The following RPS6KA2 variants were observed in gnomAD, a reference collection of about 807,000 sequenced individuals.
RPS6KA2 encodes ribosomal protein S6 kinase A2, also known as ribosomal protein S6 kinase alpha-2.
RPS6KA2 carries 42 observed loss-of-function variants against 91.8 expected under a neutral mutation model. The observed-to-expected ratio is 0.46, with a 90% CI of 0.36 to 0.59. RPS6KA2 has a LOEUF of 0.59. Ranked by LOEUF, RPS6KA2 falls within the 20% of genes least tolerant of loss-of-function variation. The pLI, the probability that RPS6KA2 is intolerant of heterozygous loss-of-function variation, is 0.00. For synonymous variants in RPS6KA2, 414 were observed against 393.6 expected (o/e 1.05, Z -0.61); for missense variants, 798 against 978.5 (o/e 0.82, Z 2.46).
Position 166,432,519 on chromosome 6 carries a change from G to A in RPS6KA2, c.1333-29C>T, listed in dbSNP as rs762449290. ...GAACAAACACAGCACATGGCAGTGA[G>A]GGGTCTACTTTAGGCTTTCGGGTGG... is the stretch of plus-strand genomic sequence containing the variant. On this transcript the variant is annotated intron_variant, in intron 14 of 20. Coordinates refer to ENST00000265678, the MANE Select transcript of RPS6KA2 (RefSeq NM_021135.6). 4.1e-6 allele frequency: 6 copies of A among 1,463,982 alleles called. No individual in the cohort carries two copies. The South Asian group carries it at 5.7e-5, about 14-fold the overall frequency. 90.7% of individuals were successfully genotyped at this position (1,463,982 alleles called of 1,614,324 possible). A position where few individuals can be genotyped will look rare whatever the true frequency, so the allele number is the denominator to read the frequency against.
rs577607669 is a variant in RPS6KA2 at position 166,497,167 on chromosome 6, C to T, written c.747+1341G>A. Among the ~76,000 whole-genome samples, 8 of 152,312 alleles carry T rather than the reference C, an allele frequency of 5.3e-5. No individual in the cohort carries two copies. In the South Asian group the frequency reaches 1.2e-3, roughly 24 times the overall value. On this transcript the variant is annotated intron_variant, in intron 8 of 20. Coordinates refer to ENST00000265678, the MANE Select transcript of RPS6KA2 (RefSeq NM_021135.6). The stretch of plus-strand genomic sequence containing the variant: ...GTGGGGGACTTAGCTCTGTGGTCTC[C>T]GCATGGAGAGGACCTGCTCCTTAGC...
At chr6:166,773,953 T>A (rs1034469223) in intron 2 of RPS6KA2, among the ~76,000 whole-genome samples, 3 of 152,210 alleles carry the variant, frequency 2.0e-5, no homozygotes, top group Non-Finnish European at 4.4e-5. Context: ...CAGACAAATA[T>A]TTTTGTGTGT....
At chr6:166,655,786 G>A (rs761381492) in intron 2 of RPS6KA2, among the ~76,000 whole-genome samples, 12 of 152,184 alleles carry the variant, frequency 7.9e-5, no homozygotes, top group Admixed American at 3.3e-4. Flanking sequence ...GTGAACGGGC[G>A]CCACCAGTTT....
At position 166,548,709 on chromosome 6, in the gene RPS6KA2, A is replaced by T. The variant is rs1191335686; in HGVS notation, c.100-9925T>A. Among the ~76,000 whole-genome samples, 5 of 152,252 alleles carry T rather than the reference A, an allele frequency of 3.3e-5. No homozygotes were observed. In the East Asian group the frequency reaches 9.6e-4, roughly 29 times the overall value. The stretch of plus-strand genomic sequence containing the variant: ...CTGAAAATGGATCACAGACATAAAT[A>T]TAAAACATAAACTACAAAACTTCTA... On this transcript the variant is annotated intron_variant, in intron 1 of 20. Coordinates refer to ENST00000265678, the MANE Select transcript of RPS6KA2 (RefSeq NM_021135.6).
intron 2 of RPS6KA2, among the ~76,000 whole-genome samples, chr6:166,831,041 C>T (rs920684907): frequency 1.3e-5 from 2 of 152,142 alleles, no homozygotes; most frequent in Non-Finnish European, 2.9e-5. Flanking sequence ...ACGCATGTGG[C>T]CAACCACACC....
chr6:166,674,533 A>G (rs1788567101), intron 2 of RPS6KA2, among the ~76,000 whole-genome samples: 1 of 152,222 alleles, frequency 6.6e-6, no homozygotes, highest in Admixed American at 6.5e-5. Context: ...CCGGGTGAGG[A>G]AAGGGCTTGG....
At position 166,755,985 on chromosome 6, in the gene RPS6KA2, T is replaced by C. The variant is rs959263753; in HGVS notation, c.123+102215A>G. ...ACTTTCATTCACATTATATAATTATTTAAAATAATATTATTTCAGGAGTAA... is the reference window on the plus strand; with the variant it reads ...ACTTTCATTCACATTATATAATTATCTAAAATAATATTATTTCAGGAGTAA... On this transcript the variant is annotated intron_variant, in intron 2 of 21. Coordinates refer to the RPS6KA2 transcript ENST00000503859. 2.0e-5 allele frequency among the ~76,000 whole-genome samples: 3 copies of C among 152,234 alleles called. No homozygotes were observed. The South Asian group carries it at 6.2e-4, about 32-fold the overall frequency.
intron 2 of RPS6KA2, among the ~76,000 whole-genome samples, chr6:166,743,230 C>T (rs754476866): frequency 1.3e-5 from 2 of 152,192 alleles, no homozygotes; most frequent in Non-Finnish European, 2.9e-5. Flanking sequence ...AACTTCACAG[C>T]TCACTCTCCT....
At chr6:166,447,344 A>G (rs189378618) in intron 14 of RPS6KA2, among the ~76,000 whole-genome samples, 1 of 152,356 alleles carries the variant, frequency 6.6e-6, no homozygotes, top group East Asian at 1.9e-4. Context: ...TGGGCAGACT[A>G]AACACAGAGA....
At chr6:166,766,225 C>T (rs1024999082) in intron 2 of RPS6KA2, among the ~76,000 whole-genome samples, 3 of 152,194 alleles carry the variant, frequency 2.0e-5, no homozygotes, top group Non-Finnish European at 4.4e-5. Flanking sequence ...ATCCATGTTA[C>T]TAAACCCAAG....
chr6:166,602,290 T>C (rs1785768922), intron 1 of RPS6KA2, among the ~76,000 whole-genome samples: 1 of 152,140 alleles, frequency 6.6e-6, no homozygotes, highest in African/African-American at 2.4e-5. Context: ...TTGGAGGAAA[T>C]TTGGTAACAT....
In RPS6KA2 at chr6:166,568,667, A is replaced by AT. The variant is rs1196957917; in HGVS notation, c.100-29884dup. On this transcript the variant is annotated intron_variant, in intron 1 of 20. Coordinates refer to ENST00000265678, the MANE Select transcript of RPS6KA2 (RefSeq NM_021135.6). Reference sequence around the variant, plus strand: ...AAAAAAAAAAAAAAAAAAAAGCAAAATTTTTTACTGGCTACCATGTTTTGG... The same window carrying AT: ...AAAAAAAAAAAAAAAAAAAAGCAAAATTTTTTTACTGGCTACCATGTTTTGG... Among the ~76,000 whole-genome samples the AT allele has an allele frequency of 6.3e-5, 9 of 142,050 alleles. No homozygotes were observed. The South Asian group carries it at 1.8e-3, about 28-fold the overall frequency. 93.2% of individuals were successfully genotyped at this position (142,050 alleles called of 152,430 possible).
chr6:166,668,469 G>A (rs1005670838), intron 2 of RPS6KA2, among the ~76,000 whole-genome samples: 5 of 152,182 alleles, frequency 3.3e-5, no homozygotes, highest in Admixed American at 1.3e-4. Context: ...CAGGAGAGCG[G>A]GAACCACAGC....
chr6:166,667,591 C>T (rs143400139), intron 2 of RPS6KA2, among the ~76,000 whole-genome samples: 96 of 152,278 alleles, frequency 6.3e-4, no homozygotes, highest in African/African-American at 2.2e-3. Context: ...AGCAGTTTCT[C>T]ATAGATATCA....
At chr6:166,606,616 T>C (rs1338841012) in intron 1 of RPS6KA2, among the ~76,000 whole-genome samples, 2 of 152,236 alleles carry the variant, frequency 1.3e-5, no homozygotes, top group Non-Finnish European at 2.9e-5. Flanking sequence ...GTATCTAGAA[T>C]ATATACATAA....
Position 166,448,306 on chromosome 6 carries a change from A to T in RPS6KA2, c.1332+418T>A, listed in dbSNP as rs1779743888. ...TGTCCCCCAACTCTGTTTTCTCAAA[A>T]TACTGGGGGCCCAAAACTTTTGCTC... On this transcript the variant is annotated intron_variant, in intron 14 of 20. Coordinates refer to ENST00000265678, the MANE Select transcript of RPS6KA2 (RefSeq NM_021135.6). This position sits in a 1 kb window ranked among gnomAD's most constrained non-coding sequence, Gnocchi z 4.7. Among the ~76,000 whole-genome samples the T allele has an allele frequency of 6.6e-6, 1 of 152,104 alleles. No individual in the cohort carries two copies. The highest frequency in any genetic ancestry group is 1.5e-5 in the Non-Finnish European group (1 of 68,026).
chr6:166,615,034 A>C (rs1350788015), intron 1 of RPS6KA2, among the ~76,000 whole-genome samples: 1 of 151,994 alleles, frequency 6.6e-6, no homozygotes, highest in Admixed American at 6.6e-5. Flanking sequence ...AGGGGTCTAC[A>C]CCTGAGCACC....
At chr6:166,567,824 A>G (rs1019001262) in intron 1 of RPS6KA2, among the ~76,000 whole-genome samples, 2 of 152,298 alleles carry the variant, frequency 1.3e-5, no homozygotes, top group Non-Finnish European at 1.5e-5. Flanking sequence ...AAGAGGTTCC[A>G]TCTCTCCCCA....
chr6:166,688,553 G>C (rs1051220489), intron 2 of RPS6KA2, among the ~76,000 whole-genome samples: 2 of 152,190 alleles, frequency 1.3e-5, no homozygotes, highest in African/African-American at 4.8e-5. Context: ...AAAATCACTG[G>C]GTTTGGAGGA....
Sources: gnomAD v4.1 joint callset for allele counts (sites outside exome capture counted in the v4.1 genomes callset) on GRCh38, gnomAD v4.1.1 for gene constraint, Gnocchi (gnomAD v3.1) non-coding constraint, MANE v1.5 for transcripts, NCBI Gene and HGNC (gene_info 2026-07-23, HGNC 2026-07-21) for gene names.